Variants in ELF1 observed in about 807,000 individuals in gnomAD.
ELF1 encodes ETS-related transcription factor Elf-1.
In ELF1, 24 loss-of-function variants were observed where a neutral mutation model predicts 59.9. The observed-to-expected ratio is 0.40, with a 90% confidence interval of 0.29 to 0.56. ELF1 has a LOEUF of 0.56. Among genes scored for constraint, ELF1 ranks in the 20% least tolerant of loss-of-function variants. ELF1 has a pLI of 0.44. For synonymous variants in ELF1, 248 were observed against 266.2 expected (o/e 0.93, Z 0.67); for missense variants, 627 against 742.2 (o/e 0.84, Z 1.80).
At chr13:41,003,369 C>G (rs1369486649) in intron 1 of ELF1, among the ~76,000 whole-genome samples, 1 of 152,136 alleles carries the variant, frequency 6.6e-6, no homozygotes, top group Non-Finnish European at 1.5e-5. Context: ...ATTCATATAG[C>G]TTCATAATTT....
chr13:41,053,165 C>T (rs1243328699), intron 1 of ELF1, among the ~76,000 whole-genome samples: 1 of 151,972 alleles, frequency 6.6e-6, no homozygotes, highest in Non-Finnish European at 1.5e-5. Flanking sequence ...ACCAGCCTGG[C>T]CAATACAGTG....
chr13:41,006,191 A>T (rs1555278271), intron 1 of ELF1, among the ~76,000 whole-genome samples: 1 of 140,746 alleles, frequency 7.1e-6, no homozygotes, highest in Non-Finnish European at 1.6e-5. Context: ...GTATTTTTCA[A>T]CCAGAAGGAT....
chr13:40,990,524 T>C (rs1185864905), intron 1 of ELF1, among the ~76,000 whole-genome samples: 2 of 152,130 alleles, frequency 1.3e-5, no homozygotes, highest in African/African-American at 2.4e-5. Context: ...TCAGTGTAAA[T>C]GTCCAGAAAT....
At chr13:41,030,867 A>C (rs1876131876) in intron 1 of ELF1, among the ~76,000 whole-genome samples, 1 of 151,968 alleles carries the variant, frequency 6.6e-6, no homozygotes, top group African/African-American at 2.4e-5. Context: ...CTGTTTAAGA[A>C]AAGTTGTATC....
intron 1 of ELF1, 41 bp from the exon 2 acceptor site, chr13:40,982,323 A>G: frequency 8.4e-7 from 1 of 1,190,226 alleles, no homozygotes; most frequent in Non-Finnish European, 1.0e-6. Context: ...AAAAGCAATC[A>G]CCCACTTAGG....
At chr13:40,974,641 T>C (rs1872792371) in intron 2 of ELF1, among the ~76,000 whole-genome samples, 1 of 152,204 alleles carries the variant, frequency 6.6e-6, no homozygotes, top group African/African-American at 2.4e-5. Flanking sequence ...GTCCATGTTC[T>C]ACCCTATACA....
At chr13:40,936,778 GA>G (rs1409396617) in intron 8 of ELF1, among the ~76,000 whole-genome samples, 40 of 118,008 alleles carry the variant, frequency 3.4e-4, no homozygotes, top group African/African-American at 1.0e-3. Context: ...AAAAAAAAAA[GA>G]AAAAAAAGAA....
At chr13:41,000,486 G>C (rs1466068013) in intron 1 of ELF1, among the ~76,000 whole-genome samples, 1 of 151,570 alleles carries the variant, frequency 6.6e-6, no homozygotes, top group Non-Finnish European at 1.5e-5. Flanking sequence ...CTCCCAAATT[G>C]CTGGGATTAC....
intron 1 of ELF1, among the ~76,000 whole-genome samples, chr13:41,040,701 A>T (rs1462322315): frequency 1.3e-5 from 2 of 152,124 alleles, no homozygotes; most frequent in African/African-American, 4.8e-5. Context: ...CTCAGACAGT[A>T]ATGCTCGCTC....
intron 8 of ELF1, among the ~76,000 whole-genome samples, chr13:40,937,760 C>T (rs551578086): frequency 2.0e-5 from 3 of 152,068 alleles, no homozygotes; most frequent in Non-Finnish European, 2.9e-5. Flanking sequence ...TGAGCCACCG[C>T]GCCCAGCTTC....
intron 8 of ELF1, among the ~76,000 whole-genome samples, chr13:40,938,024 C>T (rs1869899411): frequency 6.7e-6 from 1 of 150,294 alleles, no homozygotes; most frequent in South Asian, 2.1e-4. Context: ...GCCATATTGG[C>T]CAGGCTGGTT....
chr13:41,060,562 G>A (rs1877503481), intron 1 of ELF1, among the ~76,000 whole-genome samples: 1 of 152,160 alleles, frequency 6.6e-6, no homozygotes, highest in Non-Finnish European at 1.5e-5. Context: ...CAGCAGGCAC[G>A]GCGTGGCACT....
At chr13:41,011,550 C>A (rs910990457) in intron 1 of ELF1, among the ~76,000 whole-genome samples, 6 of 151,956 alleles carry the variant, frequency 3.9e-5, no homozygotes, top group Middle Eastern at 3.2e-3. Flanking sequence ...CTCAAGTGAT[C>A]CTCCCACCTC....
chr13:41,038,787 C>T (rs1287360853), intron 1 of ELF1, among the ~76,000 whole-genome samples: 2 of 151,952 alleles, frequency 1.3e-5, no homozygotes, highest in African/African-American at 4.8e-5. Context: ...GAGGCGGAGG[C>T]AGTGGATCAC....
rs186606175 is a variant in ELF1, at chr13:40,996,642, G to A, written c.-228-14360C>T. Among the ~76,000 whole-genome samples the A allele has an allele frequency of 1.5e-3, 225 of 152,284 alleles. 2 individuals carry two copies. Among genetic ancestry groups the A allele is most frequent in the Non-Finnish European group, 1.4e-3 (94 of 68,026 alleles). ...TGTAGGTTCATCAACTGTAACAAGT[G>A]CACCGCTCTGGTGCAGGTGATTAGC... On this transcript the variant is annotated intron_variant, in intron 1 of 8. Transcript: ENST00000239882.
intron 1 of ELF1, among the ~76,000 whole-genome samples, chr13:41,047,169 A>T (rs1006535477): frequency 6.6e-6 from 1 of 152,194 alleles, no homozygotes; most frequent in Admixed American, 6.5e-5. Flanking sequence ...TATTCTAGGT[A>T]GCCATTTGTC....
At chr13:40,969,875 T>TA (rs1453457061) in intron 2 of ELF1, among the ~76,000 whole-genome samples, 1 of 3,910 alleles carries the variant, frequency 2.6e-4, no homozygotes, top group Non-Finnish European at 3.7e-3. Context: ...TGCTAATTTT[T>TA]AAATTTTTTG....
intron 1 of ELF1, among the ~76,000 whole-genome samples, chr13:41,036,297 CTTTA>C (rs758058916): frequency 6.6e-6 from 1 of 152,102 alleles, no homozygotes; most frequent in South Asian, 2.1e-4. Context: ...TAGACTCTGG[CTTTA>C]TTTATTCATA....
chr13:41,006,137 T>G (rs965641120), intron 1 of ELF1, among the ~76,000 whole-genome samples: 2 of 152,222 alleles, frequency 1.3e-5, no homozygotes, highest in Non-Finnish European at 2.9e-5. Context: ...TGAAGTAACA[T>G]TTCTTAAATG....
Sources: allele counts gnomAD v4.1 joint callset (sites outside exome capture counted in the v4.1 genomes callset), GRCh38; gene constraint gnomAD v4.1.1; transcripts MANE v1.5; gene names NCBI Gene and HGNC (gene_info 2026-07-23, HGNC 2026-07-21).